FZD3: variants seen among roughly 807,000 people sequenced by gnomAD.
FZD3 encodes frizzled-3.
A neutral mutation model predicts 60.7 loss-of-function variants in FZD3; 30 were observed. The ratio of observed to expected loss-of-function variants is 0.49; its 90% CI spans 0.37 to 0.67. The LOEUF is 0.67. Among genes scored for constraint, FZD3 ranks in the 30% least tolerant of loss-of-function variants. The probability of loss-of-function intolerance (pLI) is 0.00; values close to 1 mark genes in which losing one functional copy is unlikely to be tolerated. For missense variants in FZD3, 605 were observed against 838.7 expected (o/e 0.72, Z 3.44); for synonymous variants, 246 against 275.2 (o/e 0.89, Z 1.05).
At chr8:28,546,246 C>A (rs1370677614) in intron 5 of FZD3, among the ~76,000 whole-genome samples, 1 of 152,180 alleles carries the variant, frequency 6.6e-6, no homozygotes, top group Non-Finnish European at 1.5e-5. Context: ...CAGTCTACAC[C>A]TAGTTGTGTG....
intron 1 of FZD3, among the ~76,000 whole-genome samples, chr8:28,498,696 C>T (rs891708714): frequency 2.6e-5 from 4 of 152,174 alleles, no homozygotes; most frequent in African/African-American, 9.7e-5. Flanking sequence ...TCAAGCCCCT[C>T]CTGAATAGCT....
At chr8:28,495,955 A>G (rs1483065335) in intron 1 of FZD3, among the ~76,000 whole-genome samples, 5 of 151,996 alleles carry the variant, frequency 3.3e-5, no homozygotes, top group Admixed American at 1.3e-4. Flanking sequence ...ATCCACTACT[A>G]AAATTCTCTA....
At chr8:28,496,031 A>C (rs1173014426) in intron 1 of FZD3, among the ~76,000 whole-genome samples, 1 of 152,158 alleles carries the variant, frequency 6.6e-6, no homozygotes, top group Non-Finnish European at 1.5e-5. Flanking sequence ...TCCTCATCCT[A>C]GCTGCTCTAT....
chr8:28,559,755 T>A (rs1805581502), intron 7 of FZD3, among the ~76,000 whole-genome samples: 1 of 152,214 alleles, frequency 6.6e-6, no homozygotes, highest in African/African-American at 2.4e-5. Flanking sequence ...GGAGATTTCC[T>A]TCTGCTTCAG....
intron 5 of FZD3, among the ~76,000 whole-genome samples, chr8:28,544,334 G>A (rs1458116744): frequency 6.6e-6 from 1 of 152,046 alleles, no homozygotes; most frequent in African/African-American, 2.4e-5. Context: ...ATGTGTTTGT[G>A]TATGCAGAAT....
At chr8:28,537,990 G>A (rs745906261) in intron 5 of FZD3, among the ~76,000 whole-genome samples, 8 of 151,928 alleles carry the variant, frequency 5.3e-5, no homozygotes, top group South Asian at 2.1e-4. Flanking sequence ...GGTGGCGGGC[G>A]CCTGTAATCC....
At chr8:28,562,596 T>C (rs1805632777) in intron 7 of FZD3, among the ~76,000 whole-genome samples, 1 of 152,210 alleles carries the variant, frequency 6.6e-6, no homozygotes, top group African/African-American at 2.4e-5. Context: ...TTAATTCTGA[T>C]TGGATTATCT....
intron 5 of FZD3, among the ~76,000 whole-genome samples, chr8:28,546,924 C>T (rs191594799): frequency 7.2e-4 from 104 of 144,068 alleles, no homozygotes; most frequent in African/African-American, 2.5e-3. Context: ...GAGCCGAGAT[C>T]GTGCCACTGC....
intron 5 of FZD3, among the ~76,000 whole-genome samples, chr8:28,547,272 C>G (rs927055679): frequency 6.6e-6 from 1 of 152,164 alleles, no homozygotes; most frequent in Non-Finnish European, 1.5e-5. Context: ...GAAAAGTCTT[C>G]CTCAGTATCT....
rs1194255298 is a variant in FZD3 at position 28,494,299 on chromosome 8, C to G, written c.-435C>G. The stretch of plus-strand genomic sequence containing the variant: ...GGGACGCGCGGCCGCCCGCGGCAGG[C>G]GGTGCAGCCCCCCCACCCCTTGGAG... On this transcript the variant is annotated 5_prime_UTR_variant, in exon 1 of 8. Coordinates refer to ENST00000240093, the MANE Select transcript of FZD3 (RefSeq NM_017412.4). 1 of 55,928 alleles carries G rather than the reference C, an allele frequency of 1.8e-5. No individual in the cohort carries two copies. The highest frequency in any genetic ancestry group is 5.0e-5 in the African/African-American group (1 of 20,198). The allele number at this position is 55,928 out of a possible 1,614,324, so 3.5% of individuals were successfully genotyped here.
At chr8:28,545,066 C>T (rs1267812589) in intron 5 of FZD3, among the ~76,000 whole-genome samples, 1 of 152,188 alleles carries the variant, frequency 6.6e-6, no homozygotes, top group African/African-American at 2.4e-5. Flanking sequence ...CATGACCCAA[C>T]ACCTCTTAAA....
rs1805780809 is a variant in FZD3 at position 28,570,261 on chromosome 8, G to C, written c.*7250G>C. Reference sequence around the variant, plus strand: ...AATCCCAGCACTTTGGGAGGCCAAGGTGGGCAGATCACCTGAGGTCAGGAG... The same window carrying C: ...AATCCCAGCACTTTGGGAGGCCAAGCTGGGCAGATCACCTGAGGTCAGGAG... On this transcript the variant is annotated 3_prime_UTR_variant, in exon 8 of 8. Transcript: ENST00000240093. 1 of 152,372 alleles carries C rather than the reference G, an allele frequency of 6.6e-6. No homozygotes were observed. Among genetic ancestry groups the C allele is most frequent in the Non-Finnish European group, 1.5e-5 (1 of 68,194 alleles). The allele number at this position is 152,372 out of a possible 1,614,324, so 9.4% of individuals were successfully genotyped here.
chr8:28,537,490 A>G (rs549655395), intron 5 of FZD3, among the ~76,000 whole-genome samples: 1 of 151,846 alleles, frequency 6.6e-6, no homozygotes, highest in East Asian at 1.9e-4. Context: ...ATTGCTGGCC[A>G]TTAGTTTTTG....
At chr8:28,560,281 T>C (rs978153731) in intron 7 of FZD3, among the ~76,000 whole-genome samples, 1 of 152,230 alleles carries the variant, frequency 6.6e-6, no homozygotes, top group African/African-American at 2.4e-5. Context: ...CCTAAGCTTA[T>C]ATTAAAATTA....
chr8:28,567,154 AT>A lies in FZD3; in HGVS notation c.*4152del, dbSNP rs773686820. 3 of 151,394 alleles carry A rather than the reference AT, an allele frequency of 2.0e-5. No homozygotes were observed. The highest frequency in any genetic ancestry group is 1.3e-4 in the Admixed American group (2 of 15,126). The allele number at this position is 151,394 out of a possible 1,614,324, so 9.4% of individuals were successfully genotyped here. On this transcript the variant is annotated 3_prime_UTR_variant, in exon 8 of 8. Coordinates refer to ENST00000240093, the MANE Select transcript of FZD3 (RefSeq NM_017412.4). ...GCACCACTACACCTGGCTAATTTTAATTTTTTTTTCTTTTTTTGAGACGGAG... is the reference window on the plus strand; with the variant it reads ...GCACCACTACACCTGGCTAATTTTAATTTTTTTTCTTTTTTTGAGACGGAG...
At position 28,520,700 on chromosome 8, in the gene FZD3, C is replaced by T. The variant is rs1804554141; in HGVS notation, c.252C>T (p.Leu84=). The T allele has an allele frequency of 1.9e-6, 3 of 1,612,088 alleles. No homozygotes were observed. The highest frequency in any genetic ancestry group is 3.3e-5 in the Admixed American group (2 of 59,892). Residue 84 remains leucine (L), a synonymous_variant, in exon 4 of 8, where the codon CTC becomes CTT. Coordinates refer to ENST00000240093, the MANE Select transcript of FZD3 (RefSeq NM_017412.4). ...ATTTCCGGCCTTTTCTTTGTGCACT[C>T]TACGCTCCTATTTGTATGGAATATG... The part of the protein sequence containing the change: ...SRDFRPFLCA[L]YAPICMEYGR...
At chr8:28,544,988 C>G (rs940389711) in intron 5 of FZD3, among the ~76,000 whole-genome samples, 3 of 152,134 alleles carry the variant, frequency 2.0e-5, no homozygotes, top group African/African-American at 7.2e-5. Context: ...GTCCCTCTTC[C>G]TCCTTTTATA....
chr8:28,554,571 T>C lies in FZD3; in HGVS notation c.1554-1167T>C, dbSNP rs998226936. Among the ~76,000 whole-genome samples, 5 of 152,280 alleles carry C rather than the reference T, an allele frequency of 3.3e-5. No individual in the cohort carries two copies. In the East Asian group the frequency reaches 7.7e-4, roughly 23 times the overall value. The stretch of plus-strand genomic sequence containing the variant: ...GTGTGATTTTTTGAAAGTTCTTTAA[T>C]TTCTTAAAACTTTAGTTTCTTTGTC... On this transcript the variant is annotated intron_variant, in intron 6 of 7. Transcript: ENST00000240093.
intron 6 of FZD3, among the ~76,000 whole-genome samples, chr8:28,555,317 A>G (rs1307083281): frequency 6.6e-6 from 1 of 152,282 alleles, no homozygotes; most frequent in Non-Finnish European, 1.5e-5. Flanking sequence ...CAATTTTTCT[A>G]TTTTAGTTAT....
Sources: gnomAD v4.1 joint callset for allele counts (sites outside exome capture counted in the v4.1 genomes callset) on GRCh38, gnomAD v4.1.1 for gene constraint, MANE v1.5 for transcripts, NCBI Gene and HGNC (gene_info 2026-07-23, HGNC 2026-07-21) for gene names.